GABRB1: variants seen among roughly 807,000 people sequenced by gnomAD.
The protein encoded by GABRB1 is gamma-aminobutyric acid receptor subunit beta-1.
A neutral mutation model predicts 51.6 loss-of-function variants in GABRB1; 17 were observed. The observed-to-expected ratio is 0.33, with a 90% CI of 0.23 to 0.49. The LOEUF (loss-of-function observed/expected upper bound fraction) is 0.49. GABRB1 is among the 20% of genes least tolerant of loss of function. GABRB1 has a pLI of 0.99. For missense variants in GABRB1, 410 were observed against 600.6 expected, an observed-to-expected ratio of 0.68 and a Z score of 3.32; for synonymous variants, 247 against 218.9, an observed-to-expected ratio of 1.13 and a Z score of -1.14.
chr4:47,172,417 T>C (rs141702739), intron 4 of GABRB1, among the ~76,000 whole-genome samples: 159 of 152,154 alleles, frequency 1.0e-3, no homozygotes, highest in African/African-American at 3.6e-3. Flanking sequence ...TCCTCCTGAG[T>C]GGTTCAACTC....
rs1284198435 is a variant in GABRB1 at position 47,036,266 on chromosome 4, T to C, written c.240+3782T>C. On this transcript the variant is annotated intron_variant, in intron 3 of 8. Coordinates refer to ENST00000295454, the MANE Select transcript of GABRB1 (RefSeq NM_000812.4). The stretch of plus-strand genomic sequence containing the variant: ...ACTGTTTCTGTTGTTGTGGTTATTT[T>C]AATATTAGACTCTGGAAGTTTCTGG... 2.6e-5 allele frequency among the ~76,000 whole-genome samples: 4 copies of C among 152,352 alleles called. No individual in the cohort carries two copies. The South Asian group carries it at 6.2e-4, about 24-fold the overall frequency.
intron 8 of GABRB1, among the ~76,000 whole-genome samples, chr4:47,413,286 T>C (rs1258091696): frequency 6.6e-6 from 1 of 152,186 alleles, no homozygotes; most frequent in Non-Finnish European, 1.5e-5. Flanking sequence ...CATATTTAGG[T>C]GGGATAATAA....
intron 4 of GABRB1, among the ~76,000 whole-genome samples, chr4:47,287,394 A>T (rs17461480): frequency 0.023 from 3,540 of 152,294 alleles, 44 homozygotes; most frequent in South Asian, 0.041. Context: ...TTCTTCTATG[A>T]CACCTGATCC....
At chr4:47,372,634 G>T (rs1727236939) in intron 5 of GABRB1, among the ~76,000 whole-genome samples, 1 of 152,186 alleles carries the variant, frequency 6.6e-6, no homozygotes, top group Non-Finnish European at 1.5e-5. Context: ...AGTCGGCTCT[G>T]TCACCCTGCT....
At chr4:47,289,456 A>G (rs1242206666) in intron 4 of GABRB1, among the ~76,000 whole-genome samples, 3 of 152,196 alleles carry the variant, frequency 2.0e-5, no homozygotes, top group Admixed American at 6.5e-5. Flanking sequence ...AACAAACCAA[A>G]TGATGTGAAC....
intron 4 of GABRB1, among the ~76,000 whole-genome samples, chr4:47,256,218 C>A (rs1578039720): frequency 1.3e-5 from 2 of 152,282 alleles, no homozygotes; most frequent in Admixed American, 1.3e-4. Context: ...TGAAGATGTT[C>A]TTTAAGGACT....
chr4:47,316,424 GCTGA>G (rs1459607756), intron 4 of GABRB1, among the ~76,000 whole-genome samples: 1 of 151,760 alleles, frequency 6.6e-6, no homozygotes, highest in Non-Finnish European at 1.5e-5. Flanking sequence ...CATTTTTATG[GCTGA>G]CTAATATCCC....
At chr4:47,295,801 A>C (rs937870334) in intron 4 of GABRB1, among the ~76,000 whole-genome samples, 39 of 152,184 alleles carry the variant, frequency 2.6e-4, no homozygotes, top group Admixed American at 2.4e-3. Context: ...CAAGACACAT[A>C]ATTGTCAGAT....
intron 3 of GABRB1, among the ~76,000 whole-genome samples, chr4:47,058,311 A>G (rs1726705194): frequency 6.6e-6 from 1 of 152,214 alleles, no homozygotes; most frequent in African/African-American, 2.4e-5. Flanking sequence ...TAGATTGGGA[A>G]AAAGTCTATA....
chr4:47,007,767 G>A (rs28362114), intron 1 of GABRB1, among the ~76,000 whole-genome samples: 2,134 of 151,418 alleles, frequency 0.014, 39 homozygotes, highest in African/African-American at 0.049. Context: ...GCAAGAGGCC[G>A]GATAGGGGAG....
intron 5 of GABRB1, among the ~76,000 whole-genome samples, chr4:47,364,220 C>G (rs576971546): frequency 6.6e-6 from 1 of 152,256 alleles, no homozygotes; most frequent in East Asian, 1.9e-4. Context: ...TGGGGAGATT[C>G]TCTCTCAGTT....
chr4:47,017,888 ATTG>A (rs1158262491), intron 1 of GABRB1, among the ~76,000 whole-genome samples: 2 of 152,350 alleles, frequency 1.3e-5, no homozygotes, highest in Non-Finnish European at 1.5e-5. Flanking sequence ...AAATCATTAA[ATTG>A]TTGTTAAATT....
intron 3 of GABRB1, among the ~76,000 whole-genome samples, chr4:47,072,083 A>C (rs1346450739): frequency 6.6e-6 from 1 of 151,952 alleles, no homozygotes; most frequent in African/African-American, 2.4e-5. Context: ...CAATGCAAAA[A>C]GTCATCTTGA....
intron 3 of GABRB1, among the ~76,000 whole-genome samples, chr4:47,159,281 A>T (rs966836192): frequency 4.6e-5 from 7 of 152,008 alleles, no homozygotes; most frequent in African/African-American, 1.7e-4. Flanking sequence ...GACTGTCTCT[A>T]AAAGAAAAGA....
At chr4:47,265,973 T>G (rs908272952) in intron 4 of GABRB1, among the ~76,000 whole-genome samples, 2 of 152,224 alleles carry the variant, frequency 1.3e-5, no homozygotes, top group African/African-American at 2.4e-5. Context: ...TACTTTGTTT[T>G]TGTTGCATTT....
At chr4:47,326,273 A>G (rs1468973622) in intron 5 of GABRB1, among the ~76,000 whole-genome samples, 2 of 152,208 alleles carry the variant, frequency 1.3e-5, no homozygotes, top group African/African-American at 2.4e-5. Flanking sequence ...CAGAAGATCA[A>G]TAGTAACCAA....
rs1729271110 is a variant in GABRB1 at position 47,425,869 on chromosome 4, A to G, written c.1276A>G (p.Lys426Glu). The stretch of plus-strand genomic sequence containing the variant: ...CCTGGACCGGCACGGGGTACCCAGC[A>G]AGGGGCGCATCCGCAGGCGTGCCTC... ...RALDRHGVPS[K>E]GRIRRRASQL... The change falls in exon 9 of 9, where the codon AAG (lysine) becomes GAG (glutamate). Residue 426 changes from lysine (K) to glutamate (E), a missense_variant. By Grantham distance (56) the Lys-to-Glu change is moderately conservative. Coordinates refer to ENST00000295454, the MANE Select transcript of GABRB1 (RefSeq NM_000812.4). The G allele has an allele frequency of 6.2e-7, 1 of 1,614,056 alleles. No homozygotes were observed. Among genetic ancestry groups the G allele is most frequent in the Admixed American group, 1.7e-5 (1 of 60,014 alleles).
intron 5 of GABRB1, among the ~76,000 whole-genome samples, chr4:47,328,459 C>T (rs1399278577): frequency 1.3e-5 from 2 of 152,286 alleles, no homozygotes; most frequent in South Asian, 2.1e-4. Flanking sequence ...TATAAAGACA[C>T]ATGCACACGC....
chr4:47,181,514 C>T (rs1718947506), intron 4 of GABRB1, among the ~76,000 whole-genome samples: 1 of 151,960 alleles, frequency 6.6e-6, no homozygotes, highest in South Asian at 2.1e-4. Flanking sequence ...AGTTGGATGC[C>T]TGAGTTCTAA....
Sources: allele counts gnomAD v4.1 joint callset (sites outside exome capture counted in the v4.1 genomes callset), GRCh38; gene constraint gnomAD v4.1.1; transcripts MANE v1.5; gene names NCBI Gene and HGNC (gene_info 2026-07-23, HGNC 2026-07-21).